CRACD: variants seen among roughly 807,000 people sequenced by gnomAD.
CRACD encodes capping protein-inhibiting regulator of actin dynamics.
A neutral mutation model predicts 106.8 loss-of-function variants in CRACD; 56 were observed. That is an observed-to-expected ratio of 0.52 (90% CI 0.42 to 0.66). The LOEUF is 0.66. Among genes scored for constraint, CRACD ranks in the 30% least tolerant of loss-of-function variants. CRACD has a pLI of 0.00. For synonymous variants in CRACD, 754 were observed against 670.8 expected, an observed-to-expected ratio of 1.12 and a Z score of -1.92; for missense variants, 1,730 against 1,623.2, an observed-to-expected ratio of 1.07 and a Z score of -1.13.
intron 8 of CRACD, chr4:56,321,151 C>T: frequency 4.4e-6 from 1 of 226,248 alleles, no homozygotes; most frequent in Non-Finnish European, 9.2e-6. Flanking sequence ...TTCTGCTGGT[C>T]TCTGAGGTTC....
intron 1 of CRACD, among the ~76,000 whole-genome samples, chr4:56,133,066 TTTGCA>T (rs1334967942): frequency 6.6e-6 from 1 of 152,140 alleles, no homozygotes; most frequent in East Asian, 1.9e-4. Context: ...GCCCTTGTAG[TTTGCA>T]CCCTCGCTGA....
chr4:56,201,502 T>C (rs899200840), intron 2 of CRACD, among the ~76,000 whole-genome samples: 4 of 152,100 alleles, frequency 2.6e-5, no homozygotes, highest in Non-Finnish European at 4.4e-5. Context: ...TCCAGTAGCA[T>C]TGATGGGAGG....
In CRACD at chr4:56,221,964, C is replaced by A. The variant is rs577944664; in HGVS notation, c.-189+42534C>A. ...TGGGAATGTAAATTAGTACACCCTC[C>A]ATAGAAAACAGTATGGAGATTGTTT... is the stretch of plus-strand genomic sequence containing the variant. On this transcript the variant is annotated intron_variant, in intron 2 of 10. Coordinates refer to ENST00000682029, the MANE Select transcript of CRACD (RefSeq NM_001393381.1). Among the ~76,000 whole-genome samples, 454 of 152,250 alleles carry A rather than the reference C, an allele frequency of 3.0e-3. 2 individuals are homozygous for A. The highest frequency in any genetic ancestry group is 5.3e-3 in the Admixed American group (81 of 15,288).
At chr4:56,139,465 A>C (rs1003869112) in intron 1 of CRACD, among the ~76,000 whole-genome samples, 2 of 152,116 alleles carry the variant, frequency 1.3e-5, no homozygotes, top group South Asian at 2.1e-4. Context: ...TATGGAGGAG[A>C]AAAGGTTATT....
chr4:56,256,881 G>A (rs4865083), intron 2 of CRACD, among the ~76,000 whole-genome samples: 13,558 of 152,148 alleles, frequency 0.089, 1,842 homozygotes, highest in East Asian at 0.61. Context: ...ATTATGGGAA[G>A]GGAGTGGGGG....
At chr4:56,117,538 G>A (rs577756759) in intron 1 of CRACD, among the ~76,000 whole-genome samples, 35 of 152,082 alleles carry the variant, frequency 2.3e-4, no homozygotes, top group African/African-American at 8.2e-4. Context: ...GAGGAAAATG[G>A]GGAGTTATTG....
chr4:56,062,804 C>T (rs967657882), intron 1 of CRACD, among the ~76,000 whole-genome samples: 13 of 152,088 alleles, frequency 8.5e-5, no homozygotes, highest in Non-Finnish European at 1.9e-4. Context: ...TTTTATAGAA[C>T]CGAATGCCTT....
At chr4:56,090,661 C>G (rs1400794435) in intron 1 of CRACD, among the ~76,000 whole-genome samples, 1 of 152,150 alleles carries the variant, frequency 6.6e-6, no homozygotes, top group Non-Finnish European at 1.5e-5. Context: ...TCCCGAAGTG[C>G]TGGGGTTATA....
At chr4:56,231,868 T>G (rs1577773603) in intron 2 of CRACD, among the ~76,000 whole-genome samples, 1 of 152,302 alleles carries the variant, frequency 6.6e-6, no homozygotes, top group African/African-American at 2.4e-5. Context: ...GCAATTTAGG[T>G]ATTCAGACTT....
At chr4:56,194,589 C>T (rs1737521815) in intron 2 of CRACD, among the ~76,000 whole-genome samples, 1 of 152,034 alleles carries the variant, frequency 6.6e-6, no homozygotes, top group African/African-American at 2.4e-5. Context: ...AGGGCAGAGC[C>T]CTTATAGATG....
intron 1 of CRACD, among the ~76,000 whole-genome samples, chr4:56,118,424 A>G (rs1734369518): frequency 6.6e-6 from 1 of 152,252 alleles, no homozygotes; most frequent in South Asian, 2.1e-4. Flanking sequence ...ATGAGAAGGA[A>G]CAGACTGACA....
At position 56,307,503 on chromosome 4, in the gene CRACD, C is replaced by T. The variant is rs780157774; in HGVS notation, c.121-32C>T. ...GTGGTGGTTGTGAACTGCTTCACTG[C>T]TTCAGAATGTCTTTCTTCTGTTTCT... On this transcript the variant is annotated intron_variant, in intron 4 of 10. Coordinates refer to ENST00000682029, the MANE Select transcript of CRACD (RefSeq NM_001393381.1). 5 of 1,611,042 alleles carry T rather than the reference C, an allele frequency of 3.1e-6. No individual in the cohort carries two copies. In the African/African-American group the frequency reaches 5.3e-5, roughly 17 times the overall value.
chr4:56,313,853 T>A (rs1298578364), intron 7 of CRACD, among the ~76,000 whole-genome samples, 187 bp from the exon 8 acceptor site: 3 of 152,138 alleles, frequency 2.0e-5, no homozygotes, highest in East Asian at 3.9e-4. Context: ...CGTCCTTTTC[T>A]CCATTCGCAC....
At chr4:56,094,907 C>T (rs1200190468) in intron 1 of CRACD, among the ~76,000 whole-genome samples, 1 of 152,146 alleles carries the variant, frequency 6.6e-6, no homozygotes, top group Non-Finnish European at 1.5e-5. Flanking sequence ...CTAGATTTAA[C>T]AATTGCTAAT....
At chr4:56,301,314 G>T in intron 4 of CRACD, 1 of 1,084,256 alleles carries the variant, frequency 9.2e-7, no homozygotes, top group Non-Finnish European at 1.2e-6. Context: ...CCATGACAAC[G>T]TGATGCTGGT....
rs866401376 is a variant in CRACD at position 56,210,862 on chromosome 4, A to G, written c.-189+31432A>G. Reference sequence around the variant, plus strand: ...GCCCATTAAGGAACAGAGCAAAGGAAGAGTTCTCCATGCCTGGTCTCTGCA... The same window carrying G: ...GCCCATTAAGGAACAGAGCAAAGGAGGAGTTCTCCATGCCTGGTCTCTGCA... On this transcript the variant is annotated intron_variant, in intron 2 of 10. Coordinates refer to ENST00000682029, the MANE Select transcript of CRACD (RefSeq NM_001393381.1). 2.0e-5 allele frequency among the ~76,000 whole-genome samples: 3 copies of G among 152,308 alleles called. No homozygotes were observed. In the East Asian group the frequency reaches 5.8e-4, roughly 29 times the overall value.
In CRACD at chr4:56,139,334, T is replaced by TC. The variant is rs1491465970; in HGVS notation, c.-335-39950_-335-39949insC. 3.2e-3 allele frequency among the ~76,000 whole-genome samples: 474 copies of TC among 148,374 alleles called. 4 individuals carry two copies. Among genetic ancestry groups the TC allele is most frequent in the African/African-American group, 0.01 (423 of 41,204 alleles). ...CTCTCCCTTCCTCTCTTCCTCTCTC[T>TC]TTCTCTCTCTCTTTCTTTCCCCTCT... On this transcript the variant is annotated intron_variant, in intron 1 of 10. Transcript: ENST00000682029.
At chr4:56,070,353 A>G (rs1293778183) in intron 1 of CRACD, among the ~76,000 whole-genome samples, 5 of 144,086 alleles carry the variant, frequency 3.5e-5, no homozygotes, top group African/African-American at 5.3e-5. Context: ...TGGCTGGAGT[A>G]CAGTGGCGCC....
chr4:56,127,664 G>A (rs1734702977), intron 1 of CRACD, among the ~76,000 whole-genome samples: 1 of 152,136 alleles, frequency 6.6e-6, no homozygotes, highest in South Asian at 2.1e-4. Flanking sequence ...CTGTTGTATA[G>A]CACCTATTTC....
Sources: gnomAD v4.1 joint callset for allele counts (sites outside exome capture counted in the v4.1 genomes callset) on GRCh38, gnomAD v4.1.1 for gene constraint, MANE v1.5 for transcripts, NCBI Gene and HGNC (gene_info 2026-07-23, HGNC 2026-07-21) for gene names.